The following TTC23 variants were observed in gnomAD, a reference collection of about 807,000 sequenced individuals.
TTC23 encodes tetratricopeptide repeat domain 23.
A neutral mutation model predicts 55.1 loss-of-function variants in TTC23; 58 were observed. The ratio of observed to expected loss-of-function variants is 1.05; its 90% CI spans 0.85 to 1.31. TTC23 has a LOEUF of 1.31. Among genes scored for constraint, TTC23 ranks in the 50% most tolerant of loss-of-function variants. TTC23 has a pLI of 0.00. For synonymous variants in TTC23, 203 were observed against 199.9 expected (o/e 1.02, Z -0.13); for missense variants, 516 against 534.4 (o/e 0.97, Z 0.34).
Position 99,161,824 on chromosome 15 carries a change from C to T in TTC23, c.909G>A (p.Lys303=). ...QYFQESMAHL[K]DSEGMGRTKF... is the part of the protein sequence containing the mutation. The stretch of plus-strand genomic sequence containing the variant: ...TGGTTCTTCCCATCCCTTCAGAATC[C>T]TTAAGATGAGCCATGCTCTCTTGAA... Residue 303 remains lysine (K), a synonymous_variant, in exon 11 of 14, where the codon AAG becomes AAA. Coordinates refer to ENST00000394132, the MANE Select transcript of TTC23 (RefSeq NM_001288615.3). The T allele has an allele frequency of 6.2e-7, 1 of 1,613,144 alleles. No homozygotes were observed. The highest frequency in any genetic ancestry group is 2.2e-5 in the East Asian group (1 of 44,840).
chr15:99,143,905 G>T (rs1440225029), intron 12 of TTC23, among the ~76,000 whole-genome samples: 1 of 152,154 alleles, frequency 6.6e-6, no homozygotes, highest in African/African-American at 2.4e-5. Context: ...AAACATGTAA[G>T]CTGGGGAGAT....
intron 9 of TTC23, among the ~76,000 whole-genome samples, chr15:99,193,762 C>A (rs2075449095): frequency 6.6e-6 from 1 of 152,002 alleles, no homozygotes; most frequent in South Asian, 2.1e-4. Context: ...AATCCCAGAA[C>A]TTTGGGAGGC....
intron 12 of TTC23, among the ~76,000 whole-genome samples, chr15:99,154,163 G>C (rs924005122): frequency 2.6e-5 from 4 of 152,196 alleles, no homozygotes; most frequent in Admixed American, 6.5e-5. Context: ...AGAATGCGGA[G>C]TTTCAATGCT....
chr15:99,201,266 C>T (rs983809189), intron 8 of TTC23, among the ~76,000 whole-genome samples: 3 of 152,008 alleles, frequency 2.0e-5, no homozygotes, highest in Non-Finnish European at 4.4e-5. Flanking sequence ...AAAATGTATC[C>T]TTACATATTT....
At chr15:99,201,087 C>T (rs953320714) in intron 8 of TTC23, among the ~76,000 whole-genome samples, 1 of 152,208 alleles carries the variant, frequency 6.6e-6, no homozygotes, top group Non-Finnish European at 1.5e-5. Flanking sequence ...TATCTCTAAG[C>T]TGTTAGACTG....
At chr15:99,198,838 G>C (rs1036870470) in intron 9 of TTC23, among the ~76,000 whole-genome samples, 3 of 152,222 alleles carry the variant, frequency 2.0e-5, no homozygotes, top group African/African-American at 7.2e-5. Context: ...TCAGGACCTT[G>C]TCACTGTATC....
chr15:99,213,385 G>A (rs1362158627), intron 8 of TTC23, among the ~76,000 whole-genome samples: 1 of 152,180 alleles, frequency 6.6e-6, no homozygotes, highest in Non-Finnish European at 1.5e-5. Flanking sequence ...TACAGGGCCC[G>A]CCATCTGCTG....
chr15:99,168,381 C>G (rs962495600), intron 10 of TTC23, among the ~76,000 whole-genome samples: 2 of 152,192 alleles, frequency 1.3e-5, no homozygotes, highest in Admixed American at 6.5e-5. Flanking sequence ...GACCAGCCCC[C>G]CTCCATGACC....
intron 12 of TTC23, among the ~76,000 whole-genome samples, chr15:99,150,761 G>A: frequency 6.6e-6 from 1 of 152,186 alleles, no homozygotes; most frequent in Non-Finnish European, 1.5e-5. Context: ...CATTTGGCCT[G>A]TGGGCCATAG....
At chr15:99,197,160 T>C (rs912317059) in intron 9 of TTC23, among the ~76,000 whole-genome samples, 7 of 151,972 alleles carry the variant, frequency 4.6e-5, no homozygotes, top group African/African-American at 1.7e-4. Context: ...TGGAATGCAG[T>C]GGCGCGATCT....
At chr15:99,220,816 G>T (rs2077860640) in intron 6 of TTC23, among the ~76,000 whole-genome samples, 1 of 152,146 alleles carries the variant, frequency 6.6e-6, no homozygotes, top group African/African-American at 2.4e-5. Context: ...TGTCCATCTT[G>T]TCTTAGGCTG....
At chr15:99,248,942 C>G (rs890799772) in intron 1 of TTC23, among the ~76,000 whole-genome samples, 1 of 152,070 alleles carries the variant, frequency 6.6e-6, no homozygotes, top group African/African-American at 2.4e-5. Flanking sequence ...CCCTAATCCA[C>G]AAATATACAC....
chr15:99,169,703 G>A lies in TTC23; in HGVS notation c.865+5347C>T, dbSNP rs2072651292. Among the ~76,000 whole-genome samples, 3 of 152,358 alleles carry A rather than the reference G, an allele frequency of 2.0e-5. No individual in the cohort carries two copies. In the South Asian group the frequency reaches 6.2e-4, roughly 32 times the overall value. Reference sequence around the variant, plus strand: ...AGAGGAGACCTGGGTGAGATGCAGTGACTAGCTTCCGATACTGACATTTTT... The same window carrying A: ...AGAGGAGACCTGGGTGAGATGCAGTAACTAGCTTCCGATACTGACATTTTT... On this transcript the variant is annotated intron_variant, in intron 10 of 13. Transcript: ENST00000394132.
intron 13 of TTC23, among the ~76,000 whole-genome samples, chr15:99,138,983 G>T (rs1295727750): frequency 6.6e-6 from 1 of 152,224 alleles, no homozygotes; most frequent in Non-Finnish European, 1.5e-5. Context: ...GGCATCCGAG[G>T]GCAGAGGGAA....
At chr15:99,139,784 A>G in intron 12 of TTC23, 1 of 1,276,038 alleles carries the variant, frequency 7.8e-7, no homozygotes, top group Non-Finnish European at 1.0e-6. Context: ...TTTTTTTGTA[A>G]ACACATACTC....
At chr15:99,150,805 C>T (rs76019185) in intron 12 of TTC23, among the ~76,000 whole-genome samples, 2,730 of 152,282 alleles carry the variant, frequency 0.018, 84 homozygotes, top group African/African-American at 0.062. Context: ...CAGGTCTCAG[C>T]CCCTTCACCT....
intron 12 of TTC23, among the ~76,000 whole-genome samples, chr15:99,154,647 C>T (rs911209152): frequency 6.6e-5 from 10 of 152,214 alleles, no homozygotes; most frequent in African/African-American, 1.7e-4. Context: ...ACCTAATCTC[C>T]GGTAGTGTGA....
intron 5 of TTC23, among the ~76,000 whole-genome samples, chr15:99,225,338 A>C (rs968665097): frequency 6.6e-6 from 1 of 152,260 alleles, no homozygotes; most frequent in African/African-American, 2.4e-5. Context: ...AGCACGAAGT[A>C]GGAAGGCAAT....
intron 9 of TTC23, among the ~76,000 whole-genome samples, chr15:99,178,441 A>G (rs978496593): frequency 6.6e-6 from 1 of 152,242 alleles, no homozygotes; most frequent in Admixed American, 6.5e-5. Context: ...CATCTCATTT[A>G]TTCAGTAAAA....
Sources: gnomAD v4.1 joint callset for allele counts (sites outside exome capture counted in the v4.1 genomes callset) on GRCh38, gnomAD v4.1.1 for gene constraint, MANE v1.5 for transcripts, NCBI Gene and HGNC (gene_info 2026-07-23, HGNC 2026-07-21) for gene names.